NIN: variants seen among roughly 807,000 people sequenced by gnomAD.
The protein encoded by NIN is ninein, also known as glycogen synthase kinase 3 beta-interacting protein.
Under a neutral mutation model 257.6 loss-of-function variants are expected in NIN, and 137 were observed. That is an observed-to-expected ratio of 0.53 (90% CI 0.46 to 0.61). The LOEUF (loss-of-function observed/expected upper bound fraction) is 0.61. Among genes scored for constraint, NIN ranks in the 20% least tolerant of loss-of-function variants. NIN has a pLI of 0.00. For missense variants in NIN, 2,439 were observed against 2,501.2 expected (o/e 0.98, Z 0.53); for synonymous variants, 918 against 919.8 (o/e 1.00, Z 0.04).
At chr14:50,768,796 A>C (rs749123179) in intron 12 of NIN, among the ~76,000 whole-genome samples, 6 of 152,212 alleles carry the variant, frequency 3.9e-5, no homozygotes, top group Non-Finnish European at 8.8e-5. Flanking sequence ...TGGAGGTGGA[A>C]GAGATGGAAG....
chr14:50,810,249 G>C (rs376822717), intron 3 of NIN, among the ~76,000 whole-genome samples: 1 of 133,544 alleles, frequency 7.5e-6, no homozygotes, highest in African/African-American at 2.8e-5. Flanking sequence ...AAAAAAAAAA[G>C]AAAATGCCAA....
At chr14:50,792,550 TTA>T (rs1566852230) in intron 5 of NIN, 160 bp downstream of exon 5, 2 of 703,078 alleles carry the variant, frequency 2.8e-6, no homozygotes, top group Middle Eastern at 4.1e-4. Context: ...GATAGAAACA[TTA>T]TATATGTCCA....
intron 25 of NIN, among the ~76,000 whole-genome samples, chr14:50,741,027 A>C (rs1854440577): frequency 6.6e-6 from 1 of 152,224 alleles, no homozygotes; most frequent in Non-Finnish European, 1.5e-5. Context: ...GTGCCATAGC[A>C]ACCTATTTGT....
In NIN at chr14:50,733,087, T is replaced by C. The variant is rs763840706; in HGVS notation, c.5877+2429A>G. Among the ~76,000 whole-genome samples, 89 of 130,920 alleles carry C rather than the reference T, an allele frequency of 6.8e-4. 1 individual carries two copies. The highest frequency in any genetic ancestry group is 2.1e-4 in the Non-Finnish European group (13 of 61,752). 85.9% of individuals were successfully genotyped at this position (130,920 alleles called of 152,430 possible). A position where few individuals can be genotyped will look rare whatever the true frequency, so the allele number is the denominator to read the frequency against. On this transcript the variant is annotated intron_variant, in intron 28 of 30. Coordinates refer to ENST00000530997, the MANE Select transcript of NIN (RefSeq NM_020921.4). ...AAAATATCCAATTTGTGTAAATCTA[T>C]AGCATTAATAATTTTTTTTTTTTGA...
chr14:50,793,122 T>C (rs1183445815), intron 4 of NIN, among the ~76,000 whole-genome samples: 3 of 151,988 alleles, frequency 2.0e-5, no homozygotes, highest in Admixed American at 6.6e-5. Context: ...AATCCAACAA[T>C]GGCAGCAAGG....
chr14:50,755,844 T>C (rs1347469724), intron 18 of NIN, among the ~76,000 whole-genome samples: 1 of 151,948 alleles, frequency 6.6e-6, no homozygotes, highest in Non-Finnish European at 1.5e-5. Flanking sequence ...TTTTTTTATT[T>C]TTCTGTAGAG....
At chr14:50,815,164 G>C (rs946159482) in intron 3 of NIN, among the ~76,000 whole-genome samples, 2 of 152,060 alleles carry the variant, frequency 1.3e-5, no homozygotes, top group African/African-American at 4.8e-5. Context: ...CTAATACCCA[G>C]ACTTTACAAC....
Position 50,720,416 on chromosome 14 carries a change from T to TA in NIN, c.*3046dup, listed in dbSNP as rs1407529265. 1.9e-5 allele frequency: 4 copies of TA among 212,184 alleles called. No individual in the cohort carries two copies. The highest frequency in any genetic ancestry group is 2.9e-5 in the Non-Finnish European group (3 of 104,712). The allele number at this position is 212,184 out of a possible 1,614,324, so 13.1% of individuals were successfully genotyped here. ...AATAAAAAATTCATTTCTCACATGT[T>TA]AAAAAAGCAAAGTCTGCCATAAACC... On this transcript the variant is annotated 3_prime_UTR_variant, in exon 31 of 31. Coordinates refer to ENST00000530997, the MANE Select transcript of NIN (RefSeq NM_020921.4).
In NIN at chr14:50,761,784, A is replaced by G. The variant is rs2042284652; in HGVS notation, c.1896+6T>C. 6.2e-7 allele frequency: 1 copy of G among 1,613,950 alleles called. No homozygotes were observed. The highest frequency in any genetic ancestry group is 8.5e-7 in the Non-Finnish European group (1 of 1,179,978). ...TTAGAGAAGTGGATTGGTGGGAAGG[A>G]CTTACTTTATCTTCGAGCTCCAGTC... On this transcript the variant is annotated splice_donor_region_variant and intron_variant, in intron 16 of 30. Coordinates refer to ENST00000530997, the MANE Select transcript of NIN (RefSeq NM_020921.4).
chr14:50,797,240 A>G (rs1566857796), intron 4 of NIN, among the ~76,000 whole-genome samples: 1 of 152,230 alleles, frequency 6.6e-6, no homozygotes, highest in Non-Finnish European at 1.5e-5. Context: ...GAATCAAAAA[A>G]TTCCCTGTTC....
intron 4 of NIN, among the ~76,000 whole-genome samples, chr14:50,795,389 T>C (rs921406959): frequency 1.3e-5 from 2 of 152,226 alleles, no homozygotes; most frequent in Non-Finnish European, 2.9e-5. Context: ...AGAGAGAACA[T>C]TCACGGTCAA....
At position 50,722,527 on chromosome 14, in the gene NIN, C is replaced by CAGT. The variant is rs2040291731; in HGVS notation, c.*933_*935dup. ...ATTTCAAATTCTTAGAGAGGCCCTACAGTAGTTCAGGAAGACAGTTTACAG... is the reference window on the plus strand; with the variant it reads ...ATTTCAAATTCTTAGAGAGGCCCTACAGTAGTAGTTCAGGAAGACAGTTTACAG... On this transcript the variant is annotated 3_prime_UTR_variant, in exon 31 of 31. Transcript: ENST00000530997. The CAGT allele has an allele frequency of 4.8e-6, 1 of 208,306 alleles. No individual in the cohort carries two copies. The highest frequency in any genetic ancestry group is 1.9e-4 in the South Asian group (1 of 5,300). The allele number at this position is 208,306 out of a possible 1,614,324, so 12.9% of individuals were successfully genotyped here. A position where few individuals can be genotyped will look rare whatever the true frequency, so the allele number is the denominator to read the frequency against.
At chr14:50,796,823 G>A (rs192610155) in intron 4 of NIN, among the ~76,000 whole-genome samples, 1 of 151,940 alleles carries the variant, frequency 6.6e-6, no homozygotes, top group Admixed American at 6.5e-5. Context: ...GCAATACAGA[G>A]TACACTTTTT....
At chr14:50,791,665 T>C (rs764815030) in intron 5 of NIN, among the ~76,000 whole-genome samples, 2 of 152,174 alleles carry the variant, frequency 1.3e-5, no homozygotes, top group African/African-American at 2.4e-5. Flanking sequence ...TTTTTTGTTA[T>C]TTTTGGATTT....
chr14:50,784,489 A>G (rs965614912), intron 5 of NIN, among the ~76,000 whole-genome samples: 3 of 152,218 alleles, frequency 2.0e-5, no homozygotes, highest in Non-Finnish European at 4.4e-5. Flanking sequence ...AACAGTGCCC[A>G]TTAAGTGCCA....
At chr14:50,724,078 G>T (rs888495983) in intron 30 of NIN, 1 of 191,542 alleles carries the variant, frequency 5.2e-6, no homozygotes. Context: ...CTTACCATTC[G>T]TAACTACAAC....
chr14:50,776,993 C>T lies in NIN; in HGVS notation c.622G>A (p.Val208Ile). Reference sequence around the variant, plus strand: ...AAACCATACTGCTCACAGATGGAGACCAGCTTCTTCCGGTTCAGGTGACCA... The same window carrying T: ...AAACCATACTGCTCACAGATGGAGATCAGCTTCTTCCGGTTCAGGTGACCA... ...RDGHLNRKKL[V>I]SICEQYGLQN... Residue 208 changes from valine to isoleucine, a missense_variant, in exon 7 of 31, where the codon GTC (valine) becomes ATC (isoleucine). Transcript: ENST00000530997. 2 of 1,614,110 alleles carry T rather than the reference C, an allele frequency of 1.2e-6. No individual in the cohort carries two copies. The highest frequency in any genetic ancestry group is 1.7e-6 in the Non-Finnish European group (2 of 1,179,984).
chr14:50,783,153 C>T (rs1413880103), intron 5 of NIN, among the ~76,000 whole-genome samples: 4 of 152,050 alleles, frequency 2.6e-5, no homozygotes, highest in Non-Finnish European at 5.9e-5. Context: ...CTCCCACGCT[C>T]AGGTGATCCT....
chr14:50,819,442 G>C (rs2045093266), intron 3 of NIN, among the ~76,000 whole-genome samples: 1 of 152,144 alleles, frequency 6.6e-6, no homozygotes, highest in South Asian at 2.1e-4. Flanking sequence ...GAGATCTGAT[G>C]GTTTTATAAG....
Sources: gnomAD v4.1 joint callset for allele counts (sites outside exome capture counted in the v4.1 genomes callset) on GRCh38, gnomAD v4.1.1 for gene constraint, MANE v1.5 for transcripts, NCBI Gene and HGNC (gene_info 2026-07-23, HGNC 2026-07-21) for gene names.